P4HA2: variants seen among roughly 807,000 people sequenced by gnomAD.
P4HA2 encodes prolyl 4-hydroxylase subunit alpha 2.
In P4HA2, 46 loss-of-function variants were observed where a neutral mutation model predicts 76.9. The observed-to-expected ratio is 0.60, with a 90% CI of 0.47 to 0.76. P4HA2 has a LOEUF of 0.76. Ranked by LOEUF, P4HA2 falls within the 30% of genes least tolerant of loss-of-function variation. The pLI is 0.00. For missense variants in P4HA2, 583 were observed against 669.4 expected (o/e 0.87, Z 1.42); for synonymous variants, 243 against 254.0 (o/e 0.96, Z 0.41).
chr5:132,207,281 T>G (rs1752331734), intron 8 of P4HA2, among the ~76,000 whole-genome samples: 1 of 152,192 alleles, frequency 6.6e-6, no homozygotes, highest in South Asian at 2.1e-4. Flanking sequence ...TGCCCTTGGA[T>G]GAGAAGACCC....
chr5:132,216,634 G>A (rs990715387), intron 4 of P4HA2, among the ~76,000 whole-genome samples: 1 of 152,136 alleles, frequency 6.6e-6, no homozygotes, highest in South Asian at 2.1e-4. Context: ...GATATGCTTT[G>A]TTTGTAAAAC....
intron 12 of P4HA2, among the ~76,000 whole-genome samples, chr5:132,195,995 T>C (rs1580643107): frequency 6.6e-6 from 1 of 152,086 alleles, no homozygotes; most frequent in South Asian, 2.1e-4. Flanking sequence ...AGTGGAAGGG[T>C]GGGGCACTGT....
chr5:132,209,662 C>A (rs1377268113), intron 6 of P4HA2, among the ~76,000 whole-genome samples: 1 of 151,090 alleles, frequency 6.6e-6, no homozygotes, highest in Non-Finnish European at 1.5e-5. Flanking sequence ...GTAATCCCAG[C>A]CACCTGGGAG....
rs112318065 is a variant in P4HA2, at chr5:132,198,139, G to A, written c.1365+182C>T. Reference sequence around the variant, plus strand: ...GCAGATGAGATCAGCCCTGATGGGGGTGGGATATAAGGCAGCCCTCTGGAC... The same window carrying A: ...GCAGATGAGATCAGCCCTGATGGGGATGGGATATAAGGCAGCCCTCTGGAC... On this transcript the variant is annotated intron_variant, in intron 12 of 14. Coordinates refer to ENST00000360568, the MANE Select transcript of P4HA2 (RefSeq NM_001017974.2). The A allele has an allele frequency of 3.8e-3, 6,110 of 1,606,082 alleles. 192 individuals are homozygous for A. The African/African-American group carries it at 0.07, about 18-fold the overall frequency.
At chr5:132,204,234 C>A (rs1751899246) in intron 8 of P4HA2, 82 bp from the exon 9 acceptor site, 8 of 1,093,238 alleles carry the variant, frequency 7.3e-6, no homozygotes, top group African/African-American at 1.5e-5. Flanking sequence ...AGCACTGGGA[C>A]CAGATTTACT....
At chr5:132,195,555 A>G in intron 12 of P4HA2, 75 bp from the exon 13 acceptor site, 1 of 1,114,782 alleles carries the variant, frequency 9.0e-7, no homozygotes. Flanking sequence ...AGGACATGAC[A>G]AGGTATATAG....
rs559797017 is a variant in P4HA2, at chr5:132,191,015, G to C, written c.*1995C>G. ...TTATTTCTCATGGTTATGGGAACTG[G>C]AAAGTCCGAGATCAAGATGCTAGTA... On this transcript the variant is annotated 3_prime_UTR_variant, in exon 15 of 15. Transcript: ENST00000360568. 6.6e-6 allele frequency among the ~76,000 whole-genome samples: 1 copy of C among 152,312 alleles called. No homozygotes were observed. Among genetic ancestry groups the C allele is most frequent in the African/African-American group, 2.4e-5 (1 of 41,568 alleles).
At chr5:132,194,144 A>G (rs569246437) in intron 14 of P4HA2, among the ~76,000 whole-genome samples, 14 of 152,270 alleles carry the variant, frequency 9.2e-5, no homozygotes, top group South Asian at 4.1e-4. Context: ...CAGGTAAATC[A>G]TAAGTTTTAG....
intron 1 of P4HA2, among the ~76,000 whole-genome samples, chr5:132,225,366 G>A (rs1339440625): frequency 3.9e-5 from 6 of 152,134 alleles, no homozygotes; most frequent in Non-Finnish European, 5.9e-5. Context: ...ATCAGCCAGC[G>A]TGGCCACACA....
chr5:132,211,934 T>G (rs773847924), intron 5 of P4HA2, among the ~76,000 whole-genome samples: 24 of 152,196 alleles, frequency 1.6e-4, no homozygotes, highest in Non-Finnish European at 1.2e-4. Flanking sequence ...TAATGACCAG[T>G]AGCTATTATC....
At chr5:132,218,719 A>T in intron 1 of P4HA2, 75 bp from the exon 2 acceptor site, 1 of 823,300 alleles carries the variant, frequency 1.2e-6, no homozygotes. Flanking sequence ...ACACATAGGC[A>T]TGTACACACA....
At chr5:132,222,384 G>A (rs919944199) in intron 1 of P4HA2, among the ~76,000 whole-genome samples, 3 of 152,092 alleles carry the variant, frequency 2.0e-5, no homozygotes, top group African/African-American at 2.4e-5. Flanking sequence ...CAAGTATGGG[G>A]GGTACCCTAC....
intron 1 of P4HA2, among the ~76,000 whole-genome samples, chr5:132,225,288 T>C (rs2126643536): frequency 6.6e-6 from 1 of 152,308 alleles, no homozygotes; most frequent in Admixed American, 6.5e-5. Context: ...CCAACTTCCA[T>C]CTGCATAATA....
chr5:132,213,892 G>T, intron 5 of P4HA2, 24 bp downstream of exon 5: 11 of 1,612,662 alleles, frequency 6.8e-6, no homozygotes, highest in Non-Finnish European at 8.5e-6. Context: ...TGCGGGACAG[G>T]CAACGCCTGG....
At chr5:132,227,417 C>A (rs910861009) in intron 1 of P4HA2, 1 of 152,320 alleles carries the variant, frequency 6.6e-6, no homozygotes, top group African/African-American at 2.4e-5. Flanking sequence ...GCCGCGCCCC[C>A]GCTCCCAACA....
At chr5:132,222,308 A>T (rs1754756957) in intron 1 of P4HA2, among the ~76,000 whole-genome samples, 1 of 152,202 alleles carries the variant, frequency 6.6e-6, no homozygotes, top group East Asian at 1.9e-4. Context: ...AGGCTCCAGG[A>T]GACCCTGCCA....
At chr5:132,197,614 A>C (rs900089573) in intron 12 of P4HA2, among the ~76,000 whole-genome samples, 4 of 149,630 alleles carry the variant, frequency 2.7e-5, no homozygotes, top group African/African-American at 1.0e-4. Flanking sequence ...TCTCCAAAAA[A>C]AAAAAAAAAA....
chr5:132,223,730 C>T (rs910158719), intron 1 of P4HA2, among the ~76,000 whole-genome samples: 2 of 152,206 alleles, frequency 1.3e-5, no homozygotes, highest in South Asian at 4.1e-4. Flanking sequence ...CTCACCCAAA[C>T]CTTCTAAGCT....
At chr5:132,209,356 G>A (rs760297006) in intron 6 of P4HA2, 25 bp from the exon 7 acceptor site, 1 of 1,587,174 alleles carries the variant, frequency 6.3e-7, no homozygotes, top group Non-Finnish European at 8.6e-7. Context: ...GAATGAGAAG[G>A]AAAAGGAAAC....
Sources: allele counts gnomAD v4.1 joint callset (sites outside exome capture counted in the v4.1 genomes callset), GRCh38; gene constraint gnomAD v4.1.1; transcripts MANE v1.5; gene names NCBI Gene and HGNC (gene_info 2026-07-23, HGNC 2026-07-21).